The following KCNN2 variants were observed in gnomAD, a reference collection of about 807,000 sequenced individuals.
The protein encoded by KCNN2 is potassium calcium-activated channel subfamily N member 2.
KCNN2 carries 24 observed loss-of-function variants against 55.5 expected under a neutral mutation model. That is an observed-to-expected ratio of 0.43 (90% confidence interval 0.31 to 0.61). The LOEUF is 0.61. Among genes scored for constraint, KCNN2 ranks in the 20% least tolerant of loss-of-function variants. The pLI, the probability that KCNN2 is intolerant of heterozygous loss-of-function variation, is 0.08. For missense variants in KCNN2, 754 were observed against 853.6 expected, an observed-to-expected ratio of 0.88 and a Z score of 1.45; for synonymous variants, 431 against 336.1, an observed-to-expected ratio of 1.28 and a Z score of -3.09.
Position 114,368,381 on chromosome 5 carries a change from A to C in KCNN2, c.1218+4380A>C, listed in dbSNP as rs1283222136. On this transcript the variant is annotated intron_variant, in intron 2 of 7. Transcript: ENST00000673685. Reference sequence around the variant, plus strand: ...TTTTCAGAGATGGCTCTATAGCTCTATAATCGGAAGAACAGTAATGAAAAT... The same window carrying C: ...TTTTCAGAGATGGCTCTATAGCTCTCTAATCGGAAGAACAGTAATGAAAAT... Among the ~76,000 whole-genome samples, 8 of 152,202 alleles carry C rather than the reference A, an allele frequency of 5.3e-5. 1 individual carries two copies. Among genetic ancestry groups the C allele is most frequent in the Admixed American group, 5.2e-4 (8 of 15,282 alleles).
chr5:114,192,779 T>G (rs553963204), intron 1 of KCNN2, among the ~76,000 whole-genome samples: 1 of 152,198 alleles, frequency 6.6e-6, no homozygotes, highest in Admixed American at 6.5e-5. Flanking sequence ...GATATGTATT[T>G]TTAGTGGTTG....
At chr5:114,279,417 A>G (rs895391047) in intron 2 of KCNN2, among the ~76,000 whole-genome samples, 8 of 152,116 alleles carry the variant, frequency 5.3e-5, no homozygotes, top group African/African-American at 1.9e-4. Context: ...CGTGATTTAC[A>G]TTAGGTATAT....
chr5:114,301,366 A>C (rs993515592), intron 2 of KCNN2, among the ~76,000 whole-genome samples: 1 of 152,236 alleles, frequency 6.6e-6, no homozygotes, highest in East Asian at 1.9e-4. Context: ...TAGAATTATT[A>C]TTTGATAACA....
chr5:114,381,341 T>C (rs1328998487), intron 2 of KCNN2, among the ~76,000 whole-genome samples: 1 of 151,914 alleles, frequency 6.6e-6, no homozygotes, highest in Non-Finnish European at 1.5e-5. Flanking sequence ...TTTGTTTCTA[T>C]TTTTTTTAGC....
rs754341882 is a variant in KCNN2 at position 114,362,894 on chromosome 5, T to C, written c.755T>C (p.Val252Ala). ...EAQPLQPPAS[V>A]GGGGGASSPS... ...CAGCCCCTGCAGCCCCCCGCGTCTG[T>C]CGGAGGAGGTGGCGGCGCGTCCTCC... is the stretch of plus-strand genomic sequence containing the variant. The change falls in exon 1 of 8, where the codon GTC becomes GCC. Residue 252 changes from valine (V) to alanine (A), a missense_variant. Val to Ala is a moderately conservative substitution (Grantham distance 64). This residue lies in a region of KCNN2 where 381 missense variants were observed against 259.1 expected (regional missense o/e 1.47). Coordinates refer to ENST00000673685, the MANE Select transcript of KCNN2 (RefSeq NM_021614.4). The C allele has an allele frequency of 6.3e-7, 1 of 1,596,244 alleles. No individual in the cohort carries two copies. The highest frequency in any genetic ancestry group is 8.5e-7 in the Non-Finnish European group (1 of 1,178,314).
intron 1 of KCNN2, among the ~76,000 whole-genome samples, chr5:114,162,029 G>T (rs1056111719): frequency 6.6e-6 from 1 of 152,180 alleles, no homozygotes; most frequent in Non-Finnish European, 1.5e-5. Context: ...GTCCAGCTTT[G>T]TTCCATTGCT....
chr5:114,417,425 G>A (rs1260395294), intron 3 of KCNN2, among the ~76,000 whole-genome samples: 3 of 152,168 alleles, frequency 2.0e-5, no homozygotes, highest in African/African-American at 7.2e-5. Flanking sequence ...GGAGGTGTCG[G>A]TGTGAAGTGA....
rs1377054717 is a variant in KCNN2, at chr5:114,495,966, T to G, written c.2160T>G (p.Val720=). ...GTGAAGACTTCGAGAAGAGGATTGT[T>G]ACCCTGGAAACAAAACTAGAGACTT... The part of the protein sequence containing the change: ...ERSEDFEKRI[V]TLETKLETLI... The change falls in exon 8 of 8, where the codon GTT becomes GTG. Residue 720 remains valine (V), a synonymous_variant. Transcript: ENST00000673685. 6.2e-7 allele frequency: 1 copy of G among 1,614,090 alleles called. No homozygotes were observed. The highest frequency in any genetic ancestry group is 1.7e-5 in the Admixed American group (1 of 60,016).
chr5:114,388,377 A>G (rs1758349344), intron 2 of KCNN2, among the ~76,000 whole-genome samples: 1 of 152,180 alleles, frequency 6.6e-6, no homozygotes, highest in South Asian at 2.1e-4. Context: ...TGTATATTTA[A>G]CAGTGTTTAA....
At chr5:114,409,066 A>G (rs1759036705) in intron 3 of KCNN2, among the ~76,000 whole-genome samples, 1 of 152,164 alleles carries the variant, frequency 6.6e-6, no homozygotes, top group Non-Finnish European at 1.5e-5. Context: ...GGACACTGGG[A>G]TTTAGTCTCA....
intron 2 of KCNN2, among the ~76,000 whole-genome samples, chr5:114,346,936 G>A (rs1263192951): frequency 1.3e-5 from 2 of 152,126 alleles, no homozygotes; most frequent in Non-Finnish European, 2.9e-5. Context: ...CCAACCTGAA[G>A]GAGCTTTTAA....
chr5:114,182,223 G>A (rs1753254420), intron 1 of KCNN2, among the ~76,000 whole-genome samples: 1 of 151,716 alleles, frequency 6.6e-6, no homozygotes, highest in South Asian at 2.1e-4. Context: ...AAACTTCTGA[G>A]TTTCTCTACT....
At chr5:114,063,233 T>C (rs964553913) in intron 1 of KCNN2, among the ~76,000 whole-genome samples, 3 of 152,202 alleles carry the variant, frequency 2.0e-5, no homozygotes, top group African/African-American at 7.2e-5. Context: ...AAGCCCCAGA[T>C]GATGATTATC....
At chr5:114,076,027 T>A (rs536241566) in intron 1 of KCNN2, among the ~76,000 whole-genome samples, 1 of 152,366 alleles carries the variant, frequency 6.6e-6, no homozygotes, top group East Asian at 1.9e-4. Context: ...GAATAGTTTG[T>A]TACGCACCAC....
At chr5:114,122,022 C>A (rs993756434) in intron 1 of KCNN2, among the ~76,000 whole-genome samples, 10 of 152,200 alleles carry the variant, frequency 6.6e-5, no homozygotes, top group Admixed American at 2.6e-4. Flanking sequence ...TTATCATTTA[C>A]ATTTTTGTGC....
In KCNN2 at chr5:114,205,512, G is replaced by A. The variant is rs565330264; in HGVS notation, c.-270-15968G>A. ...ATAACCTATAAAACAGAATAGAAGT[G>A]CGAATTAAAAAGAATGAGCTTTCAT... is the stretch of plus-strand genomic sequence containing the variant. On this transcript the variant is annotated intron_variant, in intron 1 of 10. Coordinates refer to the KCNN2 transcript ENST00000512097. Among the ~76,000 whole-genome samples, 7 of 152,264 alleles carry A rather than the reference G, an allele frequency of 4.6e-5. No homozygotes were observed. The East Asian group carries it at 1.2e-3, about 25-fold the overall frequency.
intron 4 of KCNN2, among the ~76,000 whole-genome samples, chr5:114,470,602 ATT>A (rs1220162402): frequency 2.6e-5 from 4 of 152,196 alleles, no homozygotes; most frequent in Admixed American, 2.6e-4. Flanking sequence ...TCCAAAGGCC[ATT>A]CTTTTCTTTC....
intron 3 of KCNN2, among the ~76,000 whole-genome samples, chr5:114,416,373 A>C (rs1377511415): frequency 6.6e-6 from 1 of 152,050 alleles, no homozygotes; most frequent in East Asian, 1.9e-4. Context: ...GTAGCTAGAC[A>C]TTGTGAAAAA....
intron 1 of KCNN2, among the ~76,000 whole-genome samples, chr5:114,094,145 C>G (rs1400485912): frequency 6.6e-6 from 1 of 151,768 alleles, no homozygotes; most frequent in Non-Finnish European, 1.5e-5. Context: ...TTTTTGTTTC[C>G]AAAGAGAGTT....
Sources: allele counts gnomAD v4.1 joint callset (sites outside exome capture counted in the v4.1 genomes callset), GRCh38; gene constraint gnomAD v4.1.1; regional missense constraint gnomAD v4.1.1; transcripts MANE v1.5; gene names NCBI Gene and HGNC (gene_info 2026-07-23, HGNC 2026-07-21).